Variants in SNPH observed in about 807,000 individuals in gnomAD.
SNPH encodes the protein syntaphilin.
Under a neutral mutation model 36.8 loss-of-function variants are expected in SNPH, and 10 were observed. That is an observed-to-expected ratio of 0.27 (90% CI 0.17 to 0.46). The LOEUF is 0.46. SNPH is among the 20% of genes least tolerant of loss of function. SNPH has a pLI of 1.00. For missense variants in SNPH, 622 were observed against 744.0 expected, an observed-to-expected ratio of 0.84 and a Z score of 1.91; for synonymous variants, 281 against 312.2, an observed-to-expected ratio of 0.90 and a Z score of 1.05.
Position 1,300,655 on chromosome 20 carries a change from G to A in SNPH, c.384G>A (p.Val128=), listed in dbSNP as rs2088495457. The change falls in exon 6 of 7, where the codon GTG becomes GTA. Residue 128 remains valine (V), a synonymous_variant. Transcript: ENST00000381867. ...TGACCCCCCTGCAGCAGAAGGAGGTGTGCATCCGGCACCTGAAAGCCCGGC... is the reference window on the plus strand; with the variant it reads ...TGACCCCCCTGCAGCAGAAGGAGGTATGCATCCGGCACCTGAAAGCCCGGC... ...QYLTPLQQKE[V]CIRHLKARLK... The A allele has an allele frequency of 6.2e-7, 1 of 1,612,962 alleles. No homozygotes were observed. Among genetic ancestry groups the A allele is most frequent in the African/African-American group, 1.3e-5 (1 of 74,902 alleles).
rs3764713 is a variant in SNPH, at chr20:1,306,607, C to T, written c.*553C>T. On this transcript the variant is annotated 3_prime_UTR_variant, in exon 7 of 7. Transcript: ENST00000381867. ...CAGAGGCCAGAACCACTGGGCCGGC[C>T]GGCATTCCAGCCTCCCCAGACTGCT... The T allele has an allele frequency of 0.17, 25,526 of 152,484 alleles. 2,303 individuals carry two copies. Among genetic ancestry groups the T allele is most frequent in the Middle Eastern group, 0.29 (85 of 296 alleles). 9.4% of individuals were successfully genotyped at this position (152,484 alleles called of 1,614,324 possible). A position where few individuals can be genotyped will look rare whatever the true frequency, so the allele number is the denominator to read the frequency against.
intron 2 of SNPH, among the ~76,000 whole-genome samples, chr20:1,271,373 A>G (rs117258308): frequency 0.061 from 9,225 of 152,064 alleles, 383 homozygotes; most frequent in South Asian, 0.1. Flanking sequence ...GCAGAGTCTT[A>G]CTCTGTCACC....
intron 2 of SNPH, among the ~76,000 whole-genome samples, chr20:1,277,947 G>A (rs2088165551): frequency 6.7e-6 from 1 of 148,974 alleles, no homozygotes; most frequent in African/African-American, 2.5e-5. Context: ...GTGCCTGTGT[G>A]TGTCTGTGCC....
intron 2 of SNPH, among the ~76,000 whole-genome samples, chr20:1,271,779 A>G (rs1318592983): frequency 6.6e-6 from 1 of 152,250 alleles, no homozygotes; most frequent in African/African-American, 2.4e-5. Context: ...CACCTCTTCA[A>G]AAATAGAATG....
intron 2 of SNPH, among the ~76,000 whole-genome samples, chr20:1,281,596 C>T (rs920834181): frequency 6.6e-6 from 1 of 152,190 alleles, no homozygotes; most frequent in African/African-American, 2.4e-5. Context: ...ACCCCTATTC[C>T]TGCACAGAAT....
intron 2 of SNPH, among the ~76,000 whole-genome samples, chr20:1,291,924 G>A (rs2088367048): frequency 1.3e-5 from 2 of 152,164 alleles, no homozygotes; most frequent in South Asian, 4.1e-4. Context: ...TACATATGTG[G>A]AAACTGAGAC....
At chr20:1,270,300 C>T (rs2088057555) in intron 2 of SNPH, among the ~76,000 whole-genome samples, 1 of 151,834 alleles carries the variant, frequency 6.6e-6, no homozygotes, top group Non-Finnish European at 1.5e-5. Flanking sequence ...GAGACAGACA[C>T]CTAAACGTGT....
intron 2 of SNPH, among the ~76,000 whole-genome samples, chr20:1,273,957 G>C (rs902774640): frequency 6.6e-6 from 1 of 152,148 alleles, no homozygotes; most frequent in Non-Finnish European, 1.5e-5. Context: ...TCAGAGCTGC[G>C]TTCTTCCCTC....
At chr20:1,297,388 CA>C in intron 5 of SNPH, 136 bp downstream of exon 5, 1 of 676,184 alleles carries the variant, frequency 1.5e-6, no homozygotes, top group Non-Finnish European at 2.5e-6. Flanking sequence ...TGACCTTGAG[CA>C]GATCATTTCT....
chr20:1,290,643 G>GTGAA (rs1180111358), intron 2 of SNPH, among the ~76,000 whole-genome samples: 2 of 152,194 alleles, frequency 1.3e-5, no homozygotes, highest in Non-Finnish European at 2.9e-5. Context: ...TAGTGCTACT[G>GTGAA]TGAAGTACAC....
chr20:1,301,420 T>C (rs2088508226), intron 6 of SNPH, among the ~76,000 whole-genome samples: 1 of 152,176 alleles, frequency 6.6e-6, no homozygotes, highest in African/African-American at 2.4e-5. Flanking sequence ...TATGCAAACA[T>C]GCAGCCTATT....
chr20:1,299,097 G>A (rs2088475170), intron 5 of SNPH, among the ~76,000 whole-genome samples: 1 of 151,860 alleles, frequency 6.6e-6, no homozygotes, highest in Admixed American at 6.6e-5. Context: ...TTGACCTAGG[G>A]GCCATGACGT....
At position 1,297,063 on chromosome 20, in the gene SNPH, G is replaced by A. The variant is rs1048187898; in HGVS notation, c.183-82G>A. On this transcript the variant is annotated intron_variant, in intron 4 of 6. Coordinates refer to ENST00000381867, the MANE Select transcript of SNPH (RefSeq NM_001318234.2). ...CCCCAAAGCGGGGGCACTTTGGGCC[G>A]CAGCGGCCTGGCAGTGTTCGCCCAG... is the stretch of plus-strand genomic sequence containing the variant. 7.5e-5 allele frequency: 112 copies of A among 1,498,074 alleles called. 1 individual carries two copies. The highest frequency in any genetic ancestry group is 4.7e-5 in the Non-Finnish European group (53 of 1,118,820). 92.8% of individuals were successfully genotyped at this position (1,498,074 alleles called of 1,614,324 possible).
chr20:1,291,552 T>G (rs2088360802), intron 2 of SNPH, among the ~76,000 whole-genome samples: 1 of 152,186 alleles, frequency 6.6e-6, no homozygotes, highest in Non-Finnish European at 1.5e-5. Flanking sequence ...CCTCTCTGCA[T>G]TAGCATTCTA....
Position 1,285,549 on chromosome 20 carries a change from G to A in SNPH, c.-492-9402G>A, listed in dbSNP as rs1457927730. 3.3e-5 allele frequency among the ~76,000 whole-genome samples: 5 copies of A among 152,116 alleles called. No homozygotes were observed. Among genetic ancestry groups the A allele is most frequent in the Non-Finnish European group, 5.9e-5 (4 of 68,026 alleles). On this transcript the variant is annotated intron_variant, in intron 2 of 6. Coordinates refer to ENST00000381867, the MANE Select transcript of SNPH (RefSeq NM_001318234.2). The surrounding 1 kb of genome is among the most constrained non-coding windows in gnomAD (Gnocchi z 4.9). ...CAGGTCCTTGCTAGGCATTTCACAC[G>A]TGTTATTGCTCATTGTGATTATACT...
In SNPH at chr20:1,266,647, C is replaced by A; in HGVS notation, c.-599-7C>A. On this transcript the variant is annotated splice_region_variant and splice_polypyrimidine_tract_variant and intron_variant, in intron 1 of 6. Coordinates refer to ENST00000381867, the MANE Select transcript of SNPH (RefSeq NM_001318234.2). The surrounding 1 kb of genome is among the most constrained non-coding windows in gnomAD (Gnocchi z 6.0). ...CCCCGGTCTATCTCTTTTTCCTAAC[C>A]CCGCAGGTCGCTGATCAGGGCCAGG... is the stretch of plus-strand genomic sequence containing the variant. 6.7e-7 allele frequency: 1 copy of A among 1,487,444 alleles called. No individual in the cohort carries two copies. The highest frequency in any genetic ancestry group is 8.9e-7 in the Non-Finnish European group (1 of 1,121,312). The allele number at this position is 1,487,444 out of a possible 1,614,324, so 92.1% of individuals were successfully genotyped here.
intron 2 of SNPH, among the ~76,000 whole-genome samples, chr20:1,293,422 T>C (rs1031304383): frequency 2.0e-5 from 3 of 152,268 alleles, no homozygotes; most frequent in African/African-American, 7.2e-5. Flanking sequence ...GGGTTTTCTT[T>C]CTACCTTCCT....
In SNPH at chr20:1,268,739, G is replaced by A. The variant is rs74181574; in HGVS notation, c.-493+1979G>A. ...AAGTGTTGAATGAAACAAACTTGAG[G>A]AAATTATGTCCCTAAGCCAACTAGG... On this transcript the variant is annotated intron_variant, in intron 2 of 6. Transcript: ENST00000381867. Among the ~76,000 whole-genome samples the A allele has an allele frequency of 3.8e-3, 579 of 152,244 alleles. 3 individuals carry two copies. The highest frequency in any genetic ancestry group is 6.2e-3 in the Non-Finnish European group (419 of 68,016).
At chr20:1,292,444 A>G (rs550795646) in intron 2 of SNPH, among the ~76,000 whole-genome samples, 1 of 152,340 alleles carries the variant, frequency 6.6e-6, no homozygotes, top group South Asian at 2.1e-4. Flanking sequence ...CTAATCTGGG[A>G]CTTCCAAGGA....
Sources: allele counts gnomAD v4.1 joint callset (sites outside exome capture counted in the v4.1 genomes callset), GRCh38; gene constraint gnomAD v4.1.1; non-coding constraint Gnocchi (gnomAD v3.1); transcripts MANE v1.5; gene names NCBI Gene and HGNC (gene_info 2026-07-23, HGNC 2026-07-21).